MRPL11: variants seen among roughly 807,000 people sequenced by gnomAD.
The protein encoded by MRPL11 is large ribosomal subunit protein uL11m.
MRPL11 carries 21 observed loss-of-function variants against 19.1 expected under a neutral mutation model. That is an observed-to-expected ratio of 1.10 (90% CI 0.78 to 1.58). The LOEUF (loss-of-function observed/expected upper bound fraction) is 1.58. Among genes scored for constraint, MRPL11 ranks in the 40% most tolerant of loss-of-function variants. MRPL11 has a pLI of 0.00. For missense variants in MRPL11, 242 were observed against 243.9 expected (o/e 0.99, Z 0.05); for synonymous variants, 108 against 99.7 (o/e 1.08, Z -0.49).
In MRPL11 at chr11:66,437,167, AGGG is replaced by A; in HGVS notation, c.407_409del (p.Pro136del). ...GATGATGGAGCGGACAACAGACGAC[AGGG>A]GTACATCCTGCAGGGCAAATGCCTC... On this transcript the variant is annotated inframe_deletion, in exon 4 of 5. Transcript: ENST00000310999. The A allele has an allele frequency of 6.2e-7, 1 of 1,614,230 alleles. No individual in the cohort carries two copies. The highest frequency in any genetic ancestry group is 8.5e-7 in the Non-Finnish European group (1 of 1,180,030).
At position 66,435,240 on chromosome 11, in the gene MRPL11, G is replaced by A. The variant is rs1856942906; in HGVS notation, c.*767C>T. On this transcript the variant is annotated 3_prime_UTR_variant, in exon 5 of 5. Coordinates refer to ENST00000310999, the MANE Select transcript of MRPL11 (RefSeq NM_016050.5). ...CTCTCTTCTCTGAAAGGACAATGAG[G>A]AAATAGAAGGCCAAGGGCTTCCCGA... The A allele has an allele frequency of 1.3e-5, 2 of 152,374 alleles. No homozygotes were observed. The highest frequency in any genetic ancestry group is 1.3e-4 in the Admixed American group (2 of 15,292). 9.4% of individuals were successfully genotyped at this position (152,374 alleles called of 1,614,324 possible).
At position 66,437,226 on chromosome 11, in the gene MRPL11, C is replaced by T. The variant is rs1051130630; in HGVS notation, c.351G>A (p.Val117=). Residue 117 remains valine, a synonymous_variant, in exon 4 of 5, where the codon GTG becomes GTA. Transcript: ENST00000310999. The part of the protein sequence containing the change: ...EVAGLVTLKH[V]YEIARIKAQD... ...GAGCTTTGATGCGGGCAATCTCATA[C>T]ACATGCTTCAAGGTCACCAGGCCTG... is the stretch of plus-strand genomic sequence containing the variant. The T allele has an allele frequency of 1.9e-6, 3 of 1,614,102 alleles. No individual in the cohort carries two copies. The highest frequency in any genetic ancestry group is 1.3e-5 in the African/African-American group (1 of 74,936).
intron 4 of MRPL11, 83 bp downstream of exon 4, chr11:66,437,021 C>A: frequency 6.3e-7 from 1 of 1,582,042 alleles, no homozygotes; most frequent in Non-Finnish European, 8.6e-7. Context: ...CTGACTTTCC[C>A]ACTGCAATGG....
rs910036475 is a variant in MRPL11, at chr11:66,438,823, T to C, written c.-69A>G. On this transcript the variant is annotated 5_prime_UTR_variant, in exon 1 of 5. Coordinates refer to ENST00000310999, the MANE Select transcript of MRPL11 (RefSeq NM_016050.5). ...GAGCGAAGCTCTGGGCGCCACCATC[T>C]TGGGCCAGAGGTCAAGGGTCCTCAC... The C allele has an allele frequency of 2.2e-6, 3 of 1,386,988 alleles. No individual in the cohort carries two copies. The highest frequency in any genetic ancestry group is 3.2e-5 in the Admixed American group (1 of 30,880). The allele number at this position is 1,386,988 out of a possible 1,614,324, so 85.9% of individuals were successfully genotyped here.
At chr11:66,436,297 C>G (rs1856967727) in intron 4 of MRPL11, among the ~76,000 whole-genome samples, 185 bp from the exon 5 acceptor site, 1 of 152,118 alleles carries the variant, frequency 6.6e-6, no homozygotes, top group African/African-American at 2.4e-5. Context: ...GACAACATCT[C>G]CCAACCCCCA....
rs199978070 is a variant in MRPL11 at position 66,437,169 on chromosome 11, G to A, written c.408C>T (p.Pro136=). 3 of 1,614,102 alleles carry A rather than the reference G, an allele frequency of 1.9e-6. No individual in the cohort carries two copies. The African/African-American group carries it at 4.0e-5, about 22-fold the overall frequency. ...QDEAFALQDV[P]LSSVVRSIIG... is the part of the protein sequence containing the mutation. ...TGATGGAGCGGACAACAGACGACAGGGGTACATCCTGCAGGGCAAATGCCT... is the reference window on the plus strand; with the variant it reads ...TGATGGAGCGGACAACAGACGACAGAGGTACATCCTGCAGGGCAAATGCCT... The change falls in exon 4 of 5, where the codon CCC becomes CCT. Residue 136 remains proline, a synonymous_variant. Transcript: ENST00000310999.
intron 4 of MRPL11, 30 bp downstream of exon 4, chr11:66,437,074 T>C: frequency 1.9e-6 from 3 of 1,603,508 alleles, no homozygotes; most frequent in Non-Finnish European, 2.6e-6. Context: ...CTGGGCCCTC[T>C]CGTCACACTG....
intron 1 of MRPL11, 21 bp from the exon 2 acceptor site, chr11:66,438,280 G>T: frequency 1.9e-6 from 3 of 1,581,780 alleles, no homozygotes; most frequent in Non-Finnish European, 2.6e-6. Context: ...AGCAGAGGGG[G>T]TTAGTGGTGA....
Position 66,435,790 on chromosome 11 carries a change from A to G in MRPL11, c.*217T>C. The G allele has an allele frequency of 1.9e-6, 1 of 522,238 alleles. No homozygotes were observed. The highest frequency in any genetic ancestry group is 2.4e-5 in the South Asian group (1 of 41,920). The allele number at this position is 522,238 out of a possible 1,614,324, so 32.4% of individuals were successfully genotyped here. A position where few individuals can be genotyped will look rare whatever the true frequency, so the allele number is the denominator to read the frequency against. On this transcript the variant is annotated 3_prime_UTR_variant, in exon 5 of 5. Coordinates refer to ENST00000310999, the MANE Select transcript of MRPL11 (RefSeq NM_016050.5). ...ATGTCTGCCCATATTGGCTACCACC[A>G]GTACTGGTTCCCTTCCCTGAGGTCC... is the stretch of plus-strand genomic sequence containing the variant.
rs993102021 is a variant in MRPL11 at position 66,438,770 on chromosome 11, G to T, written c.-16C>A. On this transcript the variant is annotated 5_prime_UTR_variant, in exon 1 of 5. Transcript: ENST00000310999. ...GCTTTGACATGATGCGGGGCTGCTG[G>T]CTTCAGTTCACCTCAGGGGAGCAGC... The T allele has an allele frequency of 7.2e-6, 11 of 1,533,002 alleles. No homozygotes were observed. Among genetic ancestry groups the T allele is most frequent in the Non-Finnish European group, 9.6e-6 (11 of 1,140,496 alleles). 95.0% of individuals were successfully genotyped at this position (1,533,002 alleles called of 1,614,324 possible).
chr11:66,436,639 C>G (rs57971185), intron 4 of MRPL11, among the ~76,000 whole-genome samples: 1 of 152,134 alleles, frequency 6.6e-6, no homozygotes, highest in Admixed American at 6.5e-5. Flanking sequence ...ATCTCTGTCC[C>G]GGCGGTTGTC....
intron 4 of MRPL11, among the ~76,000 whole-genome samples, chr11:66,436,400 C>T (rs1856970904): frequency 6.6e-6 from 1 of 151,974 alleles, no homozygotes; most frequent in Non-Finnish European, 1.5e-5. Context: ...TACTCTGTGC[C>T]CCAGAATATG....
intron 2 of MRPL11, 136 bp downstream of exon 2, chr11:66,438,028 T>C (rs780911275): frequency 3.1e-6 from 2 of 642,686 alleles, no homozygotes; most frequent in Non-Finnish European, 5.6e-6. Flanking sequence ...AAATATGATC[T>C]AGTCCTAAAT....
intron 2 of MRPL11, 57 bp downstream of exon 2, chr11:66,438,107 C>A (rs1359948378): frequency 4.6e-6 from 6 of 1,311,020 alleles, no homozygotes; most frequent in African/African-American, 1.5e-5. Context: ...TGACCAGTCC[C>A]AGGGCCGAGG....
chr11:66,436,835 G>A (rs780469298), intron 4 of MRPL11: 36 of 1,613,948 alleles, frequency 2.2e-5, no homozygotes, highest in Non-Finnish European at 3.0e-5. Context: ...GACAGACCCA[G>A]GTCACACTGA....
At position 66,437,267 on chromosome 11, in the gene MRPL11, G is replaced by A; in HGVS notation, c.314-4C>T. On this transcript the variant is annotated splice_region_variant and splice_polypyrimidine_tract_variant and intron_variant, in intron 3 of 4. Transcript: ENST00000310999. ...ACCAGGCCTGCCACCTCTTTCCCTG[G>A]GAGGAAGGAACAAGTGGCTCTTCAG... is the stretch of plus-strand genomic sequence containing the variant. 2 of 1,614,002 alleles carry A rather than the reference G, an allele frequency of 1.2e-6. No individual in the cohort carries two copies. The highest frequency in any genetic ancestry group is 1.7e-6 in the Non-Finnish European group (2 of 1,179,892).
chr11:66,437,496 G>T, intron 2 of MRPL11, 53 bp from the exon 3 acceptor site: 1 of 1,554,198 alleles, frequency 6.4e-7, no homozygotes, highest in Non-Finnish European at 8.8e-7. Flanking sequence ...CCCATCCCAG[G>T]GAACTTCTAA....
chr11:66,436,385 T>C (rs1333142076), intron 4 of MRPL11, among the ~76,000 whole-genome samples: 1 of 152,126 alleles, frequency 6.6e-6, no homozygotes, highest in Non-Finnish European at 1.5e-5. Flanking sequence ...CCAGATTAAC[T>C]GGGGTACTCT....
At chr11:66,436,655 C>A in intron 4 of MRPL11, 1 of 633,088 alleles carries the variant, frequency 1.6e-6, no homozygotes. Flanking sequence ...TTGTCTAGGC[C>A]AGACACCCTC....
Sources: allele counts gnomAD v4.1 joint callset (sites outside exome capture counted in the v4.1 genomes callset), GRCh38; gene constraint gnomAD v4.1.1; transcripts MANE v1.5; gene names NCBI Gene and HGNC (gene_info 2026-07-23, HGNC 2026-07-21).